The following KCTD20 variants were observed in gnomAD, a reference collection of about 807,000 sequenced individuals.
The protein encoded by KCTD20 is potassium channel tetramerization domain containing 20.
KCTD20 carries 30 observed loss-of-function variants against 39.6 expected under a neutral mutation model. The observed-to-expected ratio is 0.76, with a 90% CI of 0.57 to 1.03. The LOEUF (loss-of-function observed/expected upper bound fraction) is 1.03. Ranked by LOEUF, KCTD20 falls within the 50% of genes least tolerant of loss-of-function variation. The pLI is 0.00. For synonymous variants in KCTD20, 162 were observed against 180.6 expected, an observed-to-expected ratio of 0.90 and a Z score of 0.83; for missense variants, 422 against 522.0, an observed-to-expected ratio of 0.81 and a Z score of 1.87.
At chr6:36,479,814 C>CAA in intron 5 of KCTD20, 103 bp downstream of exon 5, 1 of 813,434 alleles carries the variant, frequency 1.2e-6, no homozygotes, top group South Asian at 1.6e-5. Flanking sequence ...TTTTTTGAGA[C>CAA]AGAGTCTCGC....
In KCTD20 at chr6:36,488,950, T is replaced by C. The variant is rs1430777806; in HGVS notation, c.*1775T>C. The stretch of plus-strand genomic sequence containing the variant: ...TATTGGCATCCATTTGCAAGGCCAA[T>C]GGCCTGGATTAAGGGTTAGGATTAT... On this transcript the variant is annotated 3_prime_UTR_variant, in exon 8 of 8. Coordinates refer to ENST00000373731, the MANE Select transcript of KCTD20 (RefSeq NM_173562.5). 6.5e-6 allele frequency: 1 copy of C among 152,708 alleles called. No homozygotes were observed. Among genetic ancestry groups the C allele is most frequent in the Non-Finnish European group, 1.5e-5 (1 of 68,052 alleles). The allele number at this position is 152,708 out of a possible 1,614,324, so 9.5% of individuals were successfully genotyped here.
At chr6:36,481,478 C>A in intron 5 of KCTD20, 84 bp from the exon 6 acceptor site, 1 of 983,682 alleles carries the variant, frequency 1.0e-6, no homozygotes. Flanking sequence ...TCAATGATAA[C>A]AGCCATTCCC....
chr6:36,479,460 T>C, intron 4 of KCTD20, 131 bp from the exon 5 acceptor site: 1 of 864,898 alleles, frequency 1.2e-6, no homozygotes, highest in Non-Finnish European at 1.8e-6. Context: ...TTTTGCCATC[T>C]AATGAATCAT....
In KCTD20 at chr6:36,470,262, A is replaced by G; in HGVS notation, c.160+5A>G. ...CTCTAGGTCCCAGGAATGAAGGTACAGTGATTAACTCTTGACTTAATTTGG... is the reference window on the plus strand; with the variant it reads ...CTCTAGGTCCCAGGAATGAAGGTACGGTGATTAACTCTTGACTTAATTTGG... On this transcript the variant is annotated splice_donor_5th_base_variant and intron_variant, in intron 2 of 7. Transcript: ENST00000373731. 1 of 1,601,848 alleles carries G rather than the reference A, an allele frequency of 6.2e-7. No individual in the cohort carries two copies. Among genetic ancestry groups the G allele is most frequent in the Non-Finnish European group, 8.5e-7 (1 of 1,172,090 alleles).
chr6:36,465,511 A>C (rs1423175958), intron 1 of KCTD20: 1 of 114,904 alleles, frequency 8.7e-6, no homozygotes, highest in Non-Finnish European at 1.8e-5. Context: ...TGCAAATAAG[A>C]AAATATATAA....
At chr6:36,450,807 C>T (rs1303241749) in intron 1 of KCTD20, 1 of 152,182 alleles carries the variant, frequency 6.6e-6, no homozygotes, top group East Asian at 1.9e-4. Flanking sequence ...GAATGTCAAA[C>T]TATTTTATGT....
Position 36,489,707 on chromosome 6 carries a change from T to C in KCTD20, c.*2532T>C, listed in dbSNP as rs1061632. On this transcript the variant is annotated 3_prime_UTR_variant, in exon 8 of 8. Transcript: ENST00000373731. ...TAAGAGGCATTTGTAATTTTAAAAA[T>C]GTGAAACTTGGGTTTGGTGTTTTCT... 0.27 allele frequency: 41,216 copies of C among 152,016 alleles called. 6,373 individuals carry two copies. Among genetic ancestry groups the C allele is most frequent in the African/African-American group, 0.42 (17,347 of 41,428 alleles). 9.4% of individuals were successfully genotyped at this position (152,016 alleles called of 1,614,324 possible).
rs1776543567 is a variant in KCTD20 at position 36,490,210 on chromosome 6, A to G, written c.*3035A>G. ...ACTGTCAAAAAGTGGGATGTGGAGG[A>G]TTTTTGTTAAGTGTCAATCGAAGTT... On this transcript the variant is annotated 3_prime_UTR_variant, in exon 8 of 8. Coordinates refer to ENST00000373731, the MANE Select transcript of KCTD20 (RefSeq NM_173562.5). 1 of 141,690 alleles carries G rather than the reference A, an allele frequency of 7.1e-6. No homozygotes were observed. Among genetic ancestry groups the G allele is most frequent in the African/African-American group, 2.7e-5 (1 of 37,126 alleles). The allele number at this position is 141,690 out of a possible 1,614,324, so 8.8% of individuals were successfully genotyped here.
intron 5 of KCTD20, 130 bp downstream of exon 5, chr6:36,479,841 G>C (rs1023234218): frequency 1.3e-6 from 1 of 749,986 alleles, no homozygotes; most frequent in African/African-American, 2.0e-5. Flanking sequence ...GCCGAGGCTG[G>C]AGTGCAGTGG....
intron 5 of KCTD20, among the ~76,000 whole-genome samples, 182 bp from the exon 6 acceptor site, chr6:36,481,380 A>T (rs1776244148): frequency 6.6e-6 from 1 of 152,234 alleles, no homozygotes; most frequent in African/African-American, 2.4e-5. Context: ...GTGGTAGAAT[A>T]GGAGACATAC....
chr6:36,481,713 C>A lies in KCTD20; in HGVS notation c.810C>A (p.Asp270Glu). 6.2e-7 allele frequency: 1 copy of A among 1,614,194 alleles called. No individual in the cohort carries two copies. Among genetic ancestry groups the A allele is most frequent in the Non-Finnish European group, 8.5e-7 (1 of 1,180,040 alleles). The change falls in exon 6 of 8, where the codon GAC (aspartate) becomes GAA (glutamate). Residue 270 changes from aspartate to glutamate, a missense_variant. Asp to Glu is a conservative substitution (Grantham distance 45). Transcript: ENST00000373731. Reference protein sequence around the residue: ...IVVLTDEDSVDWDEDHPPPMG... With the variant: ...IVVLTDEDSVEWDEDHPPPMG... Reference sequence around the variant, plus strand: ...TGCTGACGGATGAGGATTCTGTGGACTGGGATGAAGACCACCCTCCACCAA... The same window carrying A: ...TGCTGACGGATGAGGATTCTGTGGAATGGGATGAAGACCACCCTCCACCAA...
chr6:36,465,959 C>A (rs1271986449), intron 1 of KCTD20, among the ~76,000 whole-genome samples: 2 of 152,192 alleles, frequency 1.3e-5, no homozygotes, highest in Non-Finnish European at 2.9e-5. Flanking sequence ...TAAGCTATAA[C>A]AGGGTGGTGA....
At chr6:36,473,048 C>T (rs531623400) in intron 2 of KCTD20, among the ~76,000 whole-genome samples, 48 of 151,368 alleles carry the variant, frequency 3.2e-4, no homozygotes, top group Non-Finnish European at 5.6e-4. Flanking sequence ...TACAGGCACC[C>T]ACCACCACTT....
intron 1 of KCTD20, among the ~76,000 whole-genome samples, chr6:36,446,258 C>T (rs769389311): frequency 2.2e-4 from 33 of 151,982 alleles, no homozygotes; most frequent in Non-Finnish European, 4.3e-4. Context: ...GAACTCCTGA[C>T]CTCAGGTGAT....
chr6:36,472,137 G>A (rs1056318031), intron 2 of KCTD20, among the ~76,000 whole-genome samples: 20 of 152,210 alleles, frequency 1.3e-4, no homozygotes, highest in Admixed American at 9.2e-4. Flanking sequence ...CGTGAGCCAC[G>A]GCGCCCGGCC....
chr6:36,444,473 C>T (rs1211256813), intron 1 of KCTD20, among the ~76,000 whole-genome samples: 4 of 152,058 alleles, frequency 2.6e-5, no homozygotes, highest in African/African-American at 9.7e-5. Context: ...TTAATCTTTT[C>T]CTTCTGAGGG....
At chr6:36,480,435 A>ATTTTTTTTTTTGTTTTTTTTTTTTT (rs1776210935) in intron 5 of KCTD20, among the ~76,000 whole-genome samples, 1 of 94,506 alleles carries the variant, frequency 1.1e-5, no homozygotes, top group Non-Finnish European at 2.2e-5. Context: ...TTTTTTTTTA[A>ATTTTTTTTTTTGTTTTTTTTTTTTT]TTTGAGATGG....
At chr6:36,485,579 C>T (rs1776393184) in intron 7 of KCTD20, among the ~76,000 whole-genome samples, 3 of 151,076 alleles carry the variant, frequency 2.0e-5, no homozygotes, top group Admixed American at 2.0e-4. Context: ...CTGCCAGCTC[C>T]GCCTCCTGGG....
rs766717414 is a variant in KCTD20, at chr6:36,483,263, C to CTTTTTTTTT, written c.857-1437_857-1429dup. 8.2e-4 allele frequency among the ~76,000 whole-genome samples: 63 copies of CTTTTTTTTT among 76,696 alleles called. 1 individual carries two copies. Among genetic ancestry groups the CTTTTTTTTT allele is most frequent in the East Asian group, 2.1e-3 (4 of 1,904 alleles). 50.3% of individuals were successfully genotyped at this position (76,696 alleles called of 152,430 possible). A position where few individuals can be genotyped will look rare whatever the true frequency, so the allele number is the denominator to read the frequency against. On this transcript the variant is annotated intron_variant, in intron 6 of 7. Coordinates refer to ENST00000373731, the MANE Select transcript of KCTD20 (RefSeq NM_173562.5). ...CCCCTCACCAAAACAGTGGCTTTTT[C>CTTTTTTTTT]TTTTTTTTTTTTTTTTTTTTTTGAG...
Sources: allele counts gnomAD v4.1 joint callset (sites outside exome capture counted in the v4.1 genomes callset), GRCh38; gene constraint gnomAD v4.1.1; transcripts MANE v1.5; gene names NCBI Gene and HGNC (gene_info 2026-07-23, HGNC 2026-07-21).